Variants in LRMDA observed in about 807,000 individuals in gnomAD.
LRMDA encodes leucine-rich melanocyte differentiation-associated protein.
Under a neutral mutation model 29.8 loss-of-function variants are expected in LRMDA, and 18 were observed. The observed-to-expected ratio is 0.60, with a 90% confidence interval of 0.42 to 0.90. The LOEUF (loss-of-function observed/expected upper bound fraction) is 0.90, where lower values mean the gene tolerates loss of function less well. Among genes scored for constraint, LRMDA ranks in the 40% least tolerant of loss-of-function variants. The pLI is 0.00. For missense variants in LRMDA, 273 were observed against 273.9 expected, an observed-to-expected ratio of 1.00 and a Z score of 0.02; for synonymous variants, 125 against 109.4, an observed-to-expected ratio of 1.14 and a Z score of -0.89.
chr10:76,200,718 T>C (rs1427120576), intron 5 of LRMDA, among the ~76,000 whole-genome samples: 2 of 151,472 alleles, frequency 1.3e-5, no homozygotes, highest in South Asian at 2.1e-4. Context: ...CTTTTTCTTT[T>C]TTTTTTTTTT....
At chr10:76,234,687 G>A (rs961611421) in intron 5 of LRMDA, among the ~76,000 whole-genome samples, 1 of 152,104 alleles carries the variant, frequency 6.6e-6, no homozygotes, top group Non-Finnish European at 1.5e-5. Context: ...GCTTCACCTT[G>A]CCCTTTTATG....
At chr10:76,412,265 A>G (rs77615002) in intron 6 of LRMDA, among the ~76,000 whole-genome samples, 3,009 of 152,284 alleles carry the variant, frequency 0.02, 86 homozygotes, top group South Asian at 0.13. Flanking sequence ...AGCCTGGAAC[A>G]AATCTTGAGT....
In LRMDA at chr10:75,552,422, T is replaced by C. The variant is rs769970607; in HGVS notation, c.131+113928T>C. ...CTTAGCTTTGTTCTGTGTTTTTTTT[T>C]TTTCCCCCCCCTCTGGCTGCTTTCA... is the stretch of plus-strand genomic sequence containing the variant. On this transcript the variant is annotated intron_variant, in intron 2 of 6. Coordinates refer to ENST00000611255, the MANE Select transcript of LRMDA (RefSeq NM_001305581.2). 9.7e-5 allele frequency: 28 copies of C among 288,050 alleles called. No individual in the cohort carries two copies. The Admixed American group carries it at 1.1e-3, about 12-fold the overall frequency. 17.8% of individuals were successfully genotyped at this position (288,050 alleles called of 1,614,324 possible).
intron 6 of LRMDA, among the ~76,000 whole-genome samples, chr10:76,429,187 G>T (rs1589181905): frequency 6.6e-6 from 1 of 151,682 alleles, no homozygotes; most frequent in South Asian, 2.1e-4. Flanking sequence ...AGTTACAGCC[G>T]CCAAGCCAAT....
intron 6 of LRMDA, among the ~76,000 whole-genome samples, chr10:76,485,354 A>G (rs1161724999): frequency 6.6e-6 from 1 of 151,904 alleles, no homozygotes; most frequent in African/African-American, 2.4e-5. Context: ...GTTTACAGCT[A>G]TTCTAAGTTT....
chr10:76,023,026 C>A (rs1394826393), intron 2 of LRMDA, among the ~76,000 whole-genome samples: 6 of 151,772 alleles, frequency 4.0e-5, no homozygotes, highest in Admixed American at 3.3e-4. Context: ...TAATTCTCAG[C>A]CTTTCTGATC....
At chr10:76,357,037 CCAAAAAATTGGCAAGTGCAAAA>C (rs1351942728) in intron 6 of LRMDA, among the ~76,000 whole-genome samples, 1 of 151,930 alleles carries the variant, frequency 6.6e-6, no homozygotes, top group Admixed American at 6.6e-5. Flanking sequence ...TGAGTGCAAA[CCAAAAAATTGGCAAGTGCAAAA>C]CAAAAAATTG....
At chr10:75,784,644 A>T (rs1030282452) in intron 2 of LRMDA, among the ~76,000 whole-genome samples, 1 of 150,942 alleles carries the variant, frequency 6.6e-6, no homozygotes, top group Non-Finnish European at 1.5e-5. Flanking sequence ...GCTTGCAGTG[A>T]GTGAGCAGAG....
At chr10:76,060,391 T>C (rs148251677) in intron 5 of LRMDA, among the ~76,000 whole-genome samples, 4 of 152,314 alleles carry the variant, frequency 2.6e-5, no homozygotes, top group African/African-American at 9.6e-5. Flanking sequence ...CCCATTCTTC[T>C]AAGGTTCTTG....
At chr10:76,234,596 G>A (rs1352324224) in intron 5 of LRMDA, among the ~76,000 whole-genome samples, 1 of 152,168 alleles carries the variant, frequency 6.6e-6, no homozygotes, top group Non-Finnish European at 1.5e-5. Context: ...TTGGAAATCT[G>A]TTGTTTAGTG....
intron 6 of LRMDA, among the ~76,000 whole-genome samples, chr10:76,365,270 G>T (rs138740829): frequency 6.6e-6 from 1 of 151,656 alleles, no homozygotes; most frequent in Non-Finnish European, 1.5e-5. Flanking sequence ...ACCCAGTAGT[G>T]GGGTTGCTGG....
In LRMDA at chr10:76,559,672, A is replaced by G. The variant is rs1490307508; in HGVS notation, c.*2384A>G. On this transcript the variant is annotated 3_prime_UTR_variant, in exon 7 of 7. Coordinates refer to ENST00000611255, the MANE Select transcript of LRMDA (RefSeq NM_001305581.2). Reference sequence around the variant, plus strand: ...GGAATTTCCCAAACCTTGTTTTTCAAAGTTGAGAAGTAGAAAGTAATAAAT... The same window carrying G: ...GGAATTTCCCAAACCTTGTTTTTCAGAGTTGAGAAGTAGAAAGTAATAAAT... 3.3e-5 allele frequency: 5 copies of G among 152,230 alleles called. No homozygotes were observed. Among genetic ancestry groups the G allele is most frequent in the Non-Finnish European group, 2.9e-5 (2 of 68,048 alleles). 9.4% of individuals were successfully genotyped at this position (152,230 alleles called of 1,614,324 possible).
intron 2 of LRMDA, among the ~76,000 whole-genome samples, chr10:75,832,379 CA>C (rs1214897328): frequency 6.6e-5 from 10 of 152,308 alleles, no homozygotes; most frequent in African/African-American, 2.4e-4. Context: ...CAGTTCTCAA[CA>C]AGTTCCTCAT....
intron 2 of LRMDA, among the ~76,000 whole-genome samples, chr10:75,792,934 G>T (rs1843593532): frequency 6.6e-6 from 1 of 152,166 alleles, no homozygotes; most frequent in South Asian, 2.1e-4. Flanking sequence ...CTTTGGTTCT[G>T]GTATGATAGC....
At chr10:76,282,301 G>C (rs917658743) in intron 5 of LRMDA, among the ~76,000 whole-genome samples, 2 of 152,202 alleles carry the variant, frequency 1.3e-5, no homozygotes, top group South Asian at 2.1e-4. Flanking sequence ...GGCCGTTTCT[G>C]TTGACAAGAA....
At chr10:76,204,697 G>A (rs1372772625) in intron 5 of LRMDA, among the ~76,000 whole-genome samples, 1 of 152,170 alleles carries the variant, frequency 6.6e-6, no homozygotes, top group Non-Finnish European at 1.5e-5. Flanking sequence ...TCCTAGAAAA[G>A]CCAGAACCTG....
intron 2 of LRMDA, among the ~76,000 whole-genome samples, chr10:75,635,860 T>C (rs941233308): frequency 2.0e-5 from 3 of 152,042 alleles, no homozygotes; most frequent in African/African-American, 2.4e-5. Flanking sequence ...GTTGTGGTTG[T>C]GGGCTCGTAC....
At chr10:76,444,163 G>A (rs1842330514) in intron 6 of LRMDA, among the ~76,000 whole-genome samples, 1 of 152,196 alleles carries the variant, frequency 6.6e-6, no homozygotes. Flanking sequence ...TTATAGAAAA[G>A]GGAGTTGAGG....
intron 2 of LRMDA, among the ~76,000 whole-genome samples, chr10:75,700,988 T>C (rs1290526630): frequency 6.6e-6 from 1 of 152,226 alleles, no homozygotes; most frequent in Non-Finnish European, 1.5e-5. Flanking sequence ...AAGTGAGACT[T>C]AATGGCAAAC....
Sources: allele counts gnomAD v4.1 joint callset (sites outside exome capture counted in the v4.1 genomes callset), GRCh38; gene constraint gnomAD v4.1.1; transcripts MANE v1.5; gene names NCBI Gene and HGNC (gene_info 2026-07-23, HGNC 2026-07-21).